The following BCAR3 variants were observed in gnomAD, a reference collection of about 807,000 sequenced individuals.
BCAR3 encodes the protein breast cancer anti-estrogen resistance protein 3.
A neutral mutation model predicts 80.1 loss-of-function variants in BCAR3; 37 were observed. The ratio of observed to expected loss-of-function variants is 0.46; its 90% confidence interval spans 0.36 to 0.61. BCAR3 has a LOEUF of 0.61. Ranked by LOEUF, BCAR3 falls within the 20% of genes least tolerant of loss-of-function variation. The pLI is 0.00. For synonymous variants in BCAR3, 389 were observed against 418.9 expected, an observed-to-expected ratio of 0.93 and a Z score of 0.87; for missense variants, 978 against 1,068.2, an observed-to-expected ratio of 0.92 and a Z score of 1.18.
chr1:93,717,884 A>G (rs1650246002), intron 2 of BCAR3, among the ~76,000 whole-genome samples: 1 of 152,134 alleles, frequency 6.6e-6, no homozygotes, highest in African/African-American at 2.4e-5. Flanking sequence ...GGAGGGGTCT[A>G]AGCTTAATAT....
At chr1:93,681,481 C>G (rs61781003) in intron 1 of BCAR3, 117 bp downstream of exon 1, 24 of 152,260 alleles carry the variant, frequency 1.6e-4, no homozygotes, top group Admixed American at 9.8e-4. Flanking sequence ...TCTACTTTCC[C>G]CAGAGCCTAA....
chr1:93,844,938 A>G (rs1655094174), intron 2 of BCAR3, among the ~76,000 whole-genome samples: 1 of 152,174 alleles, frequency 6.6e-6, no homozygotes, highest in Non-Finnish European at 1.5e-5. Context: ...CTGCACAGGG[A>G]AAGCCTGGCT....
rs183564925 is a variant in BCAR3, at chr1:93,715,087, G to T, written c.-62-8945C>A. ...ACAATATTTATTGCATGCCTACCAT[G>T]TGCCAGGCACTGCAATTTTGTATTA... On this transcript the variant is annotated intron_variant, in intron 2 of 13. Coordinates refer to the BCAR3 transcript ENST00000370244. Among the ~76,000 whole-genome samples, 23 of 152,198 alleles carry T rather than the reference G, an allele frequency of 1.5e-4. No individual in the cohort carries two copies. The East Asian group carries it at 3.5e-3, about 23-fold the overall frequency.
intron 11 of BCAR3, 35 bp downstream of exon 11, chr1:93,567,244 G>C (rs1557833583): frequency 6.2e-7 from 1 of 1,604,724 alleles, no homozygotes; most frequent in African/African-American, 1.3e-5. Context: ...TTACGATACA[G>C]TGTTAGAGAA....
intron 2 of BCAR3, among the ~76,000 whole-genome samples, chr1:93,642,938 C>T (rs1371168920): frequency 6.6e-6 from 1 of 152,172 alleles, no homozygotes; most frequent in Non-Finnish European, 1.5e-5. Flanking sequence ...TTTTTATTCC[C>T]CCATATGGGC....
intron 2 of BCAR3, among the ~76,000 whole-genome samples, chr1:93,755,206 T>TA (rs1326125777): frequency 6.6e-6 from 1 of 152,138 alleles, no homozygotes; most frequent in African/African-American, 2.4e-5. Flanking sequence ...TCAAAAAAGT[T>TA]AAAAAAATAA....
rs1360212392 is a variant in BCAR3, at chr1:93,687,728, G to GT, written c.-11-12788dup. Among the ~76,000 whole-genome samples, 4 of 152,324 alleles carry GT rather than the reference G, an allele frequency of 2.6e-5. No individual in the cohort carries two copies. The East Asian group carries it at 7.7e-4, about 29-fold the overall frequency. ...TTTGTCAGGGAGCACTCAACCTGGAGTTGATCCCTTCCTGCCACAAAGTAA... is the reference window on the plus strand; with the variant it reads ...TTTGTCAGGGAGCACTCAACCTGGAGTTTGATCCCTTCCTGCCACAAAGTAA... On this transcript the variant is annotated intron_variant, in intron 3 of 13. Coordinates refer to the BCAR3 transcript ENST00000370244.
At chr1:93,739,205 G>A (rs1372163368) in intron 2 of BCAR3, among the ~76,000 whole-genome samples, 2 of 152,130 alleles carry the variant, frequency 1.3e-5, no homozygotes, top group African/African-American at 4.8e-5. Context: ...CATGACAGCT[G>A]CCGCAACCTT....
intron 2 of BCAR3, among the ~76,000 whole-genome samples, chr1:93,744,452 G>A (rs146830207): frequency 6.6e-6 from 1 of 152,182 alleles, no homozygotes. Flanking sequence ...CAACAAATGA[G>A]TACAAGAGAG....
chr1:93,641,630 G>A lies in BCAR3; in HGVS notation c.357+674C>T, dbSNP rs529448410. On this transcript the variant is annotated intron_variant, in intron 3 of 11. Transcript: ENST00000260502. ...AAGAAATACATTATTTAGAAGGGTT[G>A]AATACTTAGAAGCATTGACCGCCAG... 4.6e-5 allele frequency among the ~76,000 whole-genome samples: 7 copies of A among 152,300 alleles called. No individual in the cohort carries two copies. The East Asian group carries it at 1.3e-3, about 29-fold the overall frequency.
At chr1:93,674,965 A>G in intron 1 of BCAR3, 24 bp from the exon 2 acceptor site, 1 of 1,502,722 alleles carries the variant, frequency 6.7e-7, no homozygotes, top group Non-Finnish European at 8.9e-7. Flanking sequence ...AAAAGAGTGA[A>G]GGTATAAATC....
chr1:93,631,279 T>C (rs1381006477), intron 3 of BCAR3, among the ~76,000 whole-genome samples: 1 of 152,226 alleles, frequency 6.6e-6, no homozygotes, highest in Non-Finnish European at 1.5e-5. Flanking sequence ...CCCATCCTTG[T>C]CAAATATGAC....
chr1:93,688,021 T>A (rs149575025), intron 3 of BCAR3, among the ~76,000 whole-genome samples: 5 of 152,308 alleles, frequency 3.3e-5, no homozygotes, highest in Non-Finnish European at 7.4e-5. Flanking sequence ...AACACTGATA[T>A]GGACCAGAAA....
chr1:93,675,707 G>A (rs758223396), intron 1 of BCAR3, among the ~76,000 whole-genome samples: 5 of 151,924 alleles, frequency 3.3e-5, no homozygotes. Context: ...AAAAAATGGT[G>A]GGGGGCAAAG....
chr1:93,644,303 T>C (rs1218150754), intron 2 of BCAR3, among the ~76,000 whole-genome samples: 2 of 152,242 alleles, frequency 1.3e-5, no homozygotes, highest in African/African-American at 4.8e-5. Flanking sequence ...GGACAGCCAC[T>C]ATAAGACTTC....
intron 2 of BCAR3, among the ~76,000 whole-genome samples, chr1:93,643,545 C>CAA (rs547667389): frequency 0.011 from 252 of 22,250 alleles, 13 homozygotes; most frequent in African/African-American, 0.013. Context: ...GACTCTTTCT[C>CAA]AAAAAAAAAA....
intron 3 of BCAR3, among the ~76,000 whole-genome samples, chr1:93,636,552 G>GAA (rs537240776): frequency 0.036 from 4,994 of 137,678 alleles, 100 homozygotes; most frequent in African/African-American, 0.06. Flanking sequence ...TGGCTAATTT[G>GAA]AAAAAAAAAA....
intron 2 of BCAR3, among the ~76,000 whole-genome samples, chr1:93,673,373 C>A (rs1457551337): frequency 6.6e-6 from 1 of 152,190 alleles, no homozygotes; most frequent in East Asian, 1.9e-4. Flanking sequence ...AATGCTGGAC[C>A]AGCCCTTCAT....
At chr1:93,743,920 C>T (rs1356041570) in intron 2 of BCAR3, among the ~76,000 whole-genome samples, 1 of 152,116 alleles carries the variant, frequency 6.6e-6, no homozygotes, top group Non-Finnish European at 1.5e-5. Flanking sequence ...CACGATGTCA[C>T]ATAAAAGGAT....
Sources: allele counts gnomAD v4.1 joint callset (sites outside exome capture counted in the v4.1 genomes callset), GRCh38; gene constraint gnomAD v4.1.1; transcripts MANE v1.5; gene names NCBI Gene and HGNC (gene_info 2026-07-23, HGNC 2026-07-21).